Variants in COL25A1 observed in about 807,000 individuals in gnomAD.
COL25A1 encodes the protein collagen alpha-1(XXV) chain.
COL25A1 carries 103 observed loss-of-function variants against 128.4 expected under a neutral mutation model. The observed-to-expected ratio is 0.80, with a 90% CI of 0.68 to 0.94. The LOEUF (loss-of-function observed/expected upper bound fraction) is 0.94. Ranked by LOEUF, COL25A1 falls within the 40% of genes least tolerant of loss-of-function variation. The probability of loss-of-function intolerance (pLI) is 0.00; values close to 1 mark genes in which losing one functional copy is unlikely to be tolerated. For synonymous variants in COL25A1, 279 were observed against 277.2 expected, an observed-to-expected ratio of 1.01 and a Z score of -0.06; for missense variants, 745 against 840.0, an observed-to-expected ratio of 0.89 and a Z score of 1.40.
intron 3 of COL25A1, among the ~76,000 whole-genome samples, chr4:109,118,095 C>T (rs533781641): frequency 1.6e-4 from 24 of 151,232 alleles, no homozygotes; most frequent in African/African-American, 5.1e-4. Context: ...CATCAGTGGT[C>T]GAAATACAGC....
chr4:109,230,965 C>T (rs1779126390), intron 3 of COL25A1, among the ~76,000 whole-genome samples: 1 of 151,938 alleles, frequency 6.6e-6, no homozygotes, highest in African/African-American at 2.4e-5. Flanking sequence ...ATGGTGAAAC[C>T]CCATCTCTAC....
intron 6 of COL25A1, among the ~76,000 whole-genome samples, chr4:108,998,945 A>T (rs1283817072): frequency 6.6e-6 from 1 of 152,206 alleles, no homozygotes; most frequent in Non-Finnish European, 1.5e-5. Flanking sequence ...CCTTCTTTAC[A>T]CCATATACAA....
intron 8 of COL25A1, among the ~76,000 whole-genome samples, chr4:108,943,529 A>G (rs1748381906): frequency 6.6e-6 from 1 of 152,182 alleles, no homozygotes; most frequent in Admixed American, 6.6e-5. Flanking sequence ...CTCTTACAAC[A>G]TGTGTATTTC....
intron 19 of COL25A1, among the ~76,000 whole-genome samples, chr4:108,881,832 C>T (rs1465491573): frequency 6.6e-6 from 1 of 152,108 alleles, no homozygotes; most frequent in African/African-American, 2.4e-5. Flanking sequence ...CTCCCACATC[C>T]TGATTAGAGA....
chr4:108,822,097 G>A (rs1023835152), intron 35 of COL25A1, among the ~76,000 whole-genome samples: 2 of 125,542 alleles, frequency 1.6e-5, no homozygotes, highest in African/African-American at 3.0e-5. Context: ...AGGCTGGAGT[G>A]CAATGGCGTG....
intron 3 of COL25A1, among the ~76,000 whole-genome samples, chr4:109,076,409 T>C (rs1019756386): frequency 1.3e-5 from 2 of 152,210 alleles, no homozygotes; most frequent in Non-Finnish European, 2.9e-5. Context: ...AATCAATTTA[T>C]CACTTATCGA....
intron 4 of COL25A1, among the ~76,000 whole-genome samples, chr4:109,049,274 C>G (rs1579201376): frequency 6.6e-6 from 1 of 152,186 alleles, no homozygotes; most frequent in Non-Finnish European, 1.5e-5. Context: ...TAGAGTCAAA[C>G]CTTAAATTAC....
chr4:108,855,172 G>A (rs1231078093), intron 24 of COL25A1, among the ~76,000 whole-genome samples: 1 of 136,838 alleles, frequency 7.3e-6, no homozygotes, highest in African/African-American at 2.6e-5. Flanking sequence ...TCCAATTTCT[G>A]ATTTGAGCTG....
chr4:109,265,202 G>A (rs1238614004), intron 3 of COL25A1, among the ~76,000 whole-genome samples: 1 of 152,102 alleles, frequency 6.6e-6, no homozygotes, highest in Non-Finnish European at 1.5e-5. Flanking sequence ...AGGGCAAACC[G>A]TGAGCTATAT....
intron 8 of COL25A1, among the ~76,000 whole-genome samples, chr4:108,948,228 A>G (rs528156452): frequency 1.3e-5 from 2 of 152,350 alleles, no homozygotes; most frequent in Admixed American, 1.3e-4. Context: ...TTGCAGCTAG[A>G]TCATTCCATA....
At chr4:108,941,342 G>C (rs745464032) in intron 9 of COL25A1, 24 bp downstream of exon 9, 1 of 1,593,842 alleles carries the variant, frequency 6.3e-7, no homozygotes, top group South Asian at 1.1e-5. Flanking sequence ...GAAGAAATCA[G>C]ACTTCAGCAA....
chr4:109,143,525 G>A (rs771762757), intron 3 of COL25A1, among the ~76,000 whole-genome samples: 11 of 152,106 alleles, frequency 7.2e-5, no homozygotes, highest in South Asian at 2.1e-4. Context: ...CATTCTCCCC[G>A]TCACTTTCAG....
rs538435682 is a variant in COL25A1, at chr4:108,900,167, C to T, written c.834+952G>A. ...CTGGTCACCTTCACTGCTCAACACC[C>T]ATCCTGATGGTCGCTAGGCAACACC... On this transcript the variant is annotated intron_variant, in intron 14 of 37. Transcript: ENST00000399132. 3.3e-5 allele frequency among the ~76,000 whole-genome samples: 5 copies of T among 152,272 alleles called. No homozygotes were observed. The East Asian group carries it at 9.6e-4, about 29-fold the overall frequency.
chr4:109,092,636 T>C (rs1177028352), intron 3 of COL25A1, among the ~76,000 whole-genome samples: 2 of 152,168 alleles, frequency 1.3e-5, no homozygotes, highest in Non-Finnish European at 2.9e-5. Context: ...TGTACTAAAT[T>C]ATGGATTTGA....
intron 4 of COL25A1, among the ~76,000 whole-genome samples, chr4:109,049,689 A>G (rs529259463): frequency 4.6e-5 from 7 of 152,218 alleles, no homozygotes; most frequent in Non-Finnish European, 8.8e-5. Flanking sequence ...AATTGTGCCA[A>G]TTGGATAAAA....
chr4:108,856,472 A>C (rs918713350), intron 24 of COL25A1, among the ~76,000 whole-genome samples: 2 of 152,180 alleles, frequency 1.3e-5, no homozygotes, highest in African/African-American at 2.4e-5. Context: ...GCAAAACTGT[A>C]AATATCCATC....
intron 16 of COL25A1, among the ~76,000 whole-genome samples, chr4:108,891,972 A>C (rs1183634457): frequency 6.6e-6 from 1 of 151,078 alleles, no homozygotes; most frequent in Non-Finnish European, 1.5e-5. Context: ...CATTTGATGG[A>C]CAACTAAGGG....
At chr4:108,916,116 C>G (rs528336208) in intron 13 of COL25A1, among the ~76,000 whole-genome samples, 1 of 152,214 alleles carries the variant, frequency 6.6e-6, no homozygotes, top group Non-Finnish European at 1.5e-5. Context: ...GCAAATATTA[C>G]AAATGTTAAG....
chr4:109,000,169 T>A (rs1191546195), intron 6 of COL25A1, among the ~76,000 whole-genome samples: 1 of 152,100 alleles, frequency 6.6e-6, no homozygotes, highest in African/African-American at 2.4e-5. Flanking sequence ...TGTTCATGAA[T>A]AATTATAATA....
Sources: gnomAD v4.1 joint callset for allele counts (sites outside exome capture counted in the v4.1 genomes callset) on GRCh38, gnomAD v4.1.1 for gene constraint, MANE v1.5 for transcripts, NCBI Gene and HGNC (gene_info 2026-07-23, HGNC 2026-07-21) for gene names.